ABTB3: variants seen among roughly 807,000 people sequenced by gnomAD.
The protein encoded by ABTB3 is ankyrin repeat- and BTB/POZ domain-containing protein 3.
chr12:107,465,798 C>G, the ABTB3 span, among the ~76,000 whole-genome samples: 1 of 152,176 alleles, frequency 6.6e-6, no homozygotes, highest in Non-Finnish European at 1.5e-5. Context: ...CCTGACTTCC[C>G]TCCCAGAAAA....
the ABTB3 span, among the ~76,000 whole-genome samples, chr12:107,475,170 C>T: frequency 2.2e-4 from 33 of 152,286 alleles, 1 homozygote; most frequent in Non-Finnish European, 4.0e-4. Context: ...TCACTTTGAC[C>T]TCCCTCTGGT....
chr12:107,568,399 A>G, the ABTB3 span, among the ~76,000 whole-genome samples: 1 of 152,330 alleles, frequency 6.6e-6, no homozygotes, highest in Non-Finnish European at 1.5e-5. Context: ...CAGGTTGCGT[A>G]ATATCTACCA....
At chr12:107,401,035 G>T in the ABTB3 span, among the ~76,000 whole-genome samples, 1 of 152,170 alleles carries the variant, frequency 6.6e-6, no homozygotes, top group Non-Finnish European at 1.5e-5. Context: ...ACATTCACAT[G>T]CAGGACCACG....
the ABTB3 span, among the ~76,000 whole-genome samples, chr12:107,611,004 A>G: frequency 6.6e-6 from 1 of 152,338 alleles, no homozygotes; most frequent in African/African-American, 2.4e-5. Context: ...ATGGCAGCTC[A>G]TGCAGTGAGT....
the ABTB3 span, among the ~76,000 whole-genome samples, chr12:107,404,922 T>C: frequency 6.6e-6 from 1 of 152,208 alleles, no homozygotes; most frequent in Non-Finnish European, 1.5e-5. Context: ...GAAGGCACTA[T>C]TAATATTGTC....
the ABTB3 span, among the ~76,000 whole-genome samples, chr12:107,422,551 T>A: frequency 6.6e-6 from 1 of 152,202 alleles, no homozygotes; most frequent in Non-Finnish European, 1.5e-5. Flanking sequence ...AGAGGAGACT[T>A]TCACAGTTGT....
At chr12:107,337,188 G>T in the ABTB3 span, among the ~76,000 whole-genome samples, 1 of 152,268 alleles carries the variant, frequency 6.6e-6, no homozygotes, top group Non-Finnish European at 1.5e-5. Flanking sequence ...GCTGTCTTCA[G>T]TCTGGGTATC....
chr12:107,468,142 G>A, the ABTB3 span, among the ~76,000 whole-genome samples: 1 of 152,162 alleles, frequency 6.6e-6, no homozygotes, highest in Non-Finnish European at 1.5e-5. Context: ...GCTGAATTAA[G>A]GGCAAAATGT....
the ABTB3 span, among the ~76,000 whole-genome samples, chr12:107,628,054 TGCCTCCACCTTTCCAG>T: frequency 1.3e-5 from 2 of 152,156 alleles, no homozygotes; most frequent in African/African-American, 4.8e-5. Flanking sequence ...ACCCTCCACC[TGCCTCCACCTTTCCAG>T]GTGTGCTCAC....
At chr12:107,578,250 G>C in the ABTB3 span, among the ~76,000 whole-genome samples, 2 of 152,142 alleles carry the variant, frequency 1.3e-5, no homozygotes, top group Non-Finnish European at 2.9e-5. Context: ...ATGTTGAAAG[G>C]AGAGAATAGG....
the ABTB3 span, among the ~76,000 whole-genome samples, chr12:107,397,781 T>C: frequency 6.6e-6 from 1 of 152,182 alleles, no homozygotes. Flanking sequence ...TCTTCTTGTG[T>C]GTAGCGTGAG....
At chr12:107,590,326 G>A in the ABTB3 span, among the ~76,000 whole-genome samples, 35 of 152,198 alleles carry the variant, frequency 2.3e-4, no homozygotes, top group African/African-American at 8.2e-4. Flanking sequence ...CCTTTGGGGG[G>A]CACTTGGCAA....
the ABTB3 span, among the ~76,000 whole-genome samples, chr12:107,633,565 G>A: frequency 6.6e-6 from 1 of 152,208 alleles, no homozygotes; most frequent in Non-Finnish European, 1.5e-5. Context: ...GCATGAATGT[G>A]CATGGGAGTC....
At chr12:107,416,535 A>G in the ABTB3 span, among the ~76,000 whole-genome samples, 1 of 147,666 alleles carries the variant, frequency 6.8e-6, no homozygotes, top group East Asian at 2.0e-4. Flanking sequence ...AAGAACCCCC[A>G]TCACCTCCCT....
the ABTB3 span, among the ~76,000 whole-genome samples, chr12:107,632,019 T>C: frequency 6.6e-6 from 1 of 152,220 alleles, no homozygotes; most frequent in Non-Finnish European, 1.5e-5. Flanking sequence ...ATTGTCCATT[T>C]GGAACAAGCA....
chr12:107,429,034 G>T, the ABTB3 span, among the ~76,000 whole-genome samples: 2 of 152,256 alleles, frequency 1.3e-5, no homozygotes, highest in African/African-American at 2.4e-5. Context: ...CCAGGGGAAA[G>T]AGAGGGAGAG....
At chr12:107,320,661 G>C in the ABTB3 span, 1 of 456,138 alleles carries the variant, frequency 2.2e-6, no homozygotes, top group East Asian at 7.0e-5. Context: ...CTGGGGTGCG[G>C]GAAGACTTGT....
chr12:107,597,929 C>T, the ABTB3 span, among the ~76,000 whole-genome samples: 1 of 152,186 alleles, frequency 6.6e-6, no homozygotes, highest in Non-Finnish European at 1.5e-5. Flanking sequence ...TATTTGTTTA[C>T]TGTTTTCAAG....
the ABTB3 span, among the ~76,000 whole-genome samples, chr12:107,585,700 A>C: frequency 1.3e-5 from 2 of 152,170 alleles, no homozygotes; most frequent in Admixed American, 1.3e-4. Flanking sequence ...TGTGGGCCAA[A>C]CTGGATTATA....
Sources: gnomAD v4.1 joint callset for allele counts (sites outside exome capture counted in the v4.1 genomes callset) on GRCh38, gnomAD v4.1.1 for gene constraint, MANE v1.5 for transcripts, NCBI Gene and HGNC (gene_info 2026-07-23, HGNC 2026-07-21) for gene names.